The following NDRG1 variants were observed in gnomAD, a reference collection of about 807,000 sequenced individuals.
NDRG1 encodes N-myc downstream regulated 1, also known as protein NDRG1.
In NDRG1, 32 loss-of-function variants were observed where a neutral mutation model predicts 56.9. The ratio of observed to expected loss-of-function variants is 0.56; its 90% CI spans 0.42 to 0.76. The LOEUF is 0.76. NDRG1 is among the 30% of genes least tolerant of loss of function. NDRG1 has a pLI of 0.00. For synonymous variants in NDRG1, 211 were observed against 204.1 expected, an observed-to-expected ratio of 1.03 and a Z score of -0.29; for missense variants, 507 against 545.7, an observed-to-expected ratio of 0.93 and a Z score of 0.71.
Position 133,296,763 on chromosome 8 carries a change from C to A in NDRG1, c.-19+371G>T, listed in dbSNP as rs73348362. 2.7e-3 allele frequency: 615 copies of A among 224,704 alleles called. 4 individuals carry two copies. The highest frequency in any genetic ancestry group is 0.013 in the African/African-American group (574 of 42,790). 13.9% of individuals were successfully genotyped at this position (224,704 alleles called of 1,614,324 possible). A position where few individuals can be genotyped will look rare whatever the true frequency, so the allele number is the denominator to read the frequency against. Reference sequence around the variant, plus strand: ...TAGTCCCTTCTGCACCCACGTCCAGCGCGCACCCCTGCCAGCGGCGCCAGC... The same window carrying A: ...TAGTCCCTTCTGCACCCACGTCCAGAGCGCACCCCTGCCAGCGGCGCCAGC... On this transcript the variant is annotated intron_variant, in intron 1 of 15. Coordinates refer to ENST00000323851, the MANE Select transcript of NDRG1 (RefSeq NM_006096.4).
intron 7 of NDRG1, among the ~76,000 whole-genome samples, chr8:133,257,899 T>C (rs1330971879): frequency 6.6e-6 from 1 of 152,234 alleles, no homozygotes; most frequent in African/African-American, 2.4e-5. Flanking sequence ...ATGAGTATTG[T>C]TGCATTCTTA....
At chr8:133,278,140 T>A (rs1857563502) in intron 3 of NDRG1, among the ~76,000 whole-genome samples, 1 of 152,144 alleles carries the variant, frequency 6.6e-6, no homozygotes, top group South Asian at 2.1e-4. Context: ...GCCCGGCCCA[T>A]CCCTGAATGA....
intron 3 of NDRG1, among the ~76,000 whole-genome samples, chr8:133,270,135 C>G (rs1563632263): frequency 1.3e-5 from 2 of 152,272 alleles, no homozygotes; most frequent in African/African-American, 4.8e-5. Flanking sequence ...CTCCAATTGA[C>G]AGAGTCTGGC....
intron 2 of NDRG1, among the ~76,000 whole-genome samples, chr8:133,282,259 T>C (rs1857852205): frequency 6.6e-6 from 1 of 152,248 alleles, no homozygotes; most frequent in Non-Finnish European, 1.5e-5. Context: ...TCTAGGGCTG[T>C]ACCTGCACAT....
intron 2 of NDRG1, among the ~76,000 whole-genome samples, chr8:133,281,357 C>T (rs79978895): frequency 2.2e-5 from 2 of 89,656 alleles, no homozygotes; most frequent in African/African-American, 3.7e-5. Context: ...AACTCCGTCT[C>T]AAAAAAAAAA....
rs1367040565 is a variant in NDRG1 at position 133,247,941 on chromosome 8, A to G, written c.756-15T>C. The G allele has an allele frequency of 1.2e-6, 2 of 1,613,758 alleles. No homozygotes were observed. On this transcript the variant is annotated splice_polypyrimidine_tract_variant and intron_variant, in intron 11 of 15. Coordinates refer to ENST00000323851, the MANE Select transcript of NDRG1 (RefSeq NM_006096.4). ...GAGCAGGGCACCTGGGGTCAGGGAT[A>G]GAGCAGAGAATTAGCACAAGGTTCC...
intron 5 of NDRG1, among the ~76,000 whole-genome samples, chr8:133,259,639 A>G (rs1206124947): frequency 6.6e-6 from 1 of 152,218 alleles, no homozygotes; most frequent in Non-Finnish European, 1.5e-5. Context: ...GAAACTGACT[A>G]GAAGGCATTT....
rs1483868015 is a variant in NDRG1, at chr8:133,297,171, T to TGGCGGCCC, written c.-64_-57dup. On this transcript the variant is annotated 5_prime_UTR_variant, in exon 1 of 16. Coordinates refer to ENST00000323851, the MANE Select transcript of NDRG1 (RefSeq NM_006096.4). ...AGAAAGGAAAGGACGGTGCCGAGGCTGGCGGCCCAGCGCCCCGCGGAAGCC... is the reference window on the plus strand; with the variant it reads ...AGAAAGGAAAGGACGGTGCCGAGGCTGGCGGCCCGGCGGCCCAGCGCCCCGCGGAAGCC... 1 of 152,256 alleles carries TGGCGGCCC rather than the reference T, an allele frequency of 6.6e-6. No homozygotes were observed. Among genetic ancestry groups the TGGCGGCCC allele is most frequent in the East Asian group, 1.9e-4 (1 of 5,190 alleles). 9.4% of individuals were successfully genotyped at this position (152,256 alleles called of 1,614,324 possible). A position where few individuals can be genotyped will look rare whatever the true frequency, so the allele number is the denominator to read the frequency against.
At chr8:133,252,986 C>T (rs1264785983) in intron 9 of NDRG1, among the ~76,000 whole-genome samples, 1 of 152,238 alleles carries the variant, frequency 6.6e-6, no homozygotes, top group African/African-American at 2.4e-5. Flanking sequence ...AGAGTGGAGG[C>T]TGTGTCCCCA....
intron 3 of NDRG1, among the ~76,000 whole-genome samples, chr8:133,279,262 A>G (rs531128186): frequency 6.6e-6 from 1 of 152,158 alleles, no homozygotes; most frequent in Admixed American, 6.5e-5. Flanking sequence ...GAGAAAATAC[A>G]CACCTTGGTG....
intron 2 of NDRG1, among the ~76,000 whole-genome samples, 167 bp from the exon 3 acceptor site, chr8:133,280,434 T>C (rs902296616): frequency 6.6e-6 from 1 of 150,938 alleles, no homozygotes; most frequent in African/African-American, 2.4e-5. Context: ...TCTTTTTTTT[T>C]TTTTTTTGAG....
chr8:133,288,051 A>G (rs1858223002), intron 1 of NDRG1, among the ~76,000 whole-genome samples: 2 of 152,138 alleles, frequency 1.3e-5, no homozygotes. Context: ...TCACACACTT[A>G]TACTCACACA....
At position 133,242,038 on chromosome 8, in the gene NDRG1, G is replaced by A. The variant is rs1855413589; in HGVS notation, c.928C>T (p.Gln310Ter). 15 of 1,614,066 alleles carry A rather than the reference G, an allele frequency of 9.3e-6. No individual in the cohort carries two copies. Among genetic ancestry groups the A allele is most frequent in the Non-Finnish European group, 1.3e-5 (15 of 1,180,038 alleles). ...KLAEAFKYFV[Q>*]GMGYMPSASM... ...CCATACTCACTGTATCCCATGCCCT[G>A]CACGAAGTACTTGAAGGCCTCAGCG... is the stretch of plus-strand genomic sequence containing the variant. Residue 310 changes from glutamine (Q) to a stop codon, truncating the protein, a stop_gained, in exon 15 of 16, where the codon CAG becomes TAG. Transcript: ENST00000323851. LOFTEE classifies it high-confidence loss of function.
At chr8:133,268,419 C>A (rs995360459) in intron 3 of NDRG1, among the ~76,000 whole-genome samples, 10 of 152,136 alleles carry the variant, frequency 6.6e-5, no homozygotes, top group African/African-American at 2.4e-4. Context: ...CAAACCTCAG[C>A]CTGAGCAGGA....
intron 3 of NDRG1, among the ~76,000 whole-genome samples, chr8:133,271,585 C>T (rs988947653): frequency 4.6e-5 from 7 of 151,794 alleles, no homozygotes; most frequent in Non-Finnish European, 2.9e-5. Flanking sequence ...GAGTTTGAGA[C>T]CAGCATCTGC....
intron 1 of NDRG1, among the ~76,000 whole-genome samples, chr8:133,294,749 T>C (rs1375533249): frequency 1.3e-5 from 2 of 152,184 alleles, no homozygotes; most frequent in African/African-American, 4.8e-5. Flanking sequence ...TCAGGCTGGC[T>C]TTGCTAATCT....
chr8:133,282,803 A>G (rs1857888091), intron 2 of NDRG1, among the ~76,000 whole-genome samples: 1 of 152,226 alleles, frequency 6.6e-6, no homozygotes, highest in Non-Finnish European at 1.5e-5. Context: ...TAAGATATTT[A>G]CTATTTGACC....
chr8:133,245,011 G>A (rs924404185), intron 13 of NDRG1, among the ~76,000 whole-genome samples: 1 of 152,146 alleles, frequency 6.6e-6, no homozygotes, highest in African/African-American at 2.4e-5. Flanking sequence ...GGGTGGCCTG[G>A]GGTGAAACGG....
intron 1 of NDRG1, among the ~76,000 whole-genome samples, chr8:133,293,705 C>G (rs1451643125): frequency 6.6e-6 from 1 of 152,204 alleles, no homozygotes; most frequent in African/African-American, 2.4e-5. Context: ...AGGTTCTCAA[C>G]TCTGTCTGCC....
Sources: gnomAD v4.1 joint callset for allele counts (sites outside exome capture counted in the v4.1 genomes callset) on GRCh38, gnomAD v4.1.1 for gene constraint, MANE v1.5 for transcripts, NCBI Gene and HGNC (gene_info 2026-07-23, HGNC 2026-07-21) for gene names.